The following MACROD2 variants were observed in gnomAD, a reference collection of about 807,000 sequenced individuals.
The protein encoded by MACROD2 is ADP-ribose glycohydrolase MACROD2.
In MACROD2, 36 loss-of-function variants were observed where a neutral mutation model predicts 70.4. The observed-to-expected ratio is 0.51, with a 90% CI of 0.39 to 0.68. MACROD2 has a LOEUF of 0.68. Among genes scored for constraint, MACROD2 ranks in the 30% least tolerant of loss-of-function variants. The pLI, the probability that MACROD2 is intolerant of heterozygous loss-of-function variation, is 0.00. For synonymous variants in MACROD2, 172 were observed against 178.8 expected, an observed-to-expected ratio of 0.96 and a Z score of 0.30; for missense variants, 496 against 538.4, an observed-to-expected ratio of 0.92 and a Z score of 0.78.
intron 5 of MACROD2, among the ~76,000 whole-genome samples, chr20:14,716,121 C>T (rs1467488323): frequency 6.6e-6 from 1 of 152,166 alleles, no homozygotes; most frequent in Non-Finnish European, 1.5e-5. Flanking sequence ...TTCAGTCTGC[C>T]TAGAGTTTTT....
rs540567964 is a variant in MACROD2 at position 14,391,485 on chromosome 20, A to C, written c.272-101994A>C. ...GGGCTAATCAGAAGCTGGAAGGTAA[A>C]AACAGAGAGGATCAGGAAAAATAAC... On this transcript the variant is annotated intron_variant, in intron 3 of 17. Transcript: ENST00000684519. Among the ~76,000 whole-genome samples the C allele has an allele frequency of 2.6e-5, 4 of 152,124 alleles. No homozygotes were observed. The East Asian group carries it at 7.8e-4, about 30-fold the overall frequency.
chr20:15,713,935 G>T (rs2050665416), intron 8 of MACROD2, among the ~76,000 whole-genome samples: 1 of 151,332 alleles, frequency 6.6e-6, no homozygotes, highest in Admixed American at 6.6e-5. Context: ...GGAAGACAAA[G>T]TTGGGATATG....
At chr20:15,735,517 G>C (rs2051006817) in intron 8 of MACROD2, among the ~76,000 whole-genome samples, 1 of 152,068 alleles carries the variant, frequency 6.6e-6, no homozygotes, top group Admixed American at 6.5e-5. Context: ...AAATCAGAAG[G>C]GTATTGTTAA....
intron 3 of MACROD2, among the ~76,000 whole-genome samples, chr20:14,237,785 C>T (rs552374795): frequency 9.0e-5 from 13 of 143,746 alleles, no homozygotes; most frequent in South Asian, 2.2e-4. Context: ...TGAGTGAGAA[C>T]GTGCGGTGTT....
intron 8 of MACROD2, among the ~76,000 whole-genome samples, chr20:15,609,203 A>T (rs1347011311): frequency 6.6e-6 from 1 of 152,202 alleles, no homozygotes; most frequent in East Asian, 1.9e-4. Context: ...CTCCCTTCAG[A>T]CTACCCTGAC....
chr20:15,314,741 A>G (rs1162678829), intron 6 of MACROD2, among the ~76,000 whole-genome samples: 1 of 152,184 alleles, frequency 6.6e-6, no homozygotes, highest in Non-Finnish European at 1.5e-5. Context: ...CTGGGGCAAA[A>G]GGTTGTAGTT....
At chr20:15,810,249 T>C (rs1436951849) in intron 8 of MACROD2, among the ~76,000 whole-genome samples, 1 of 151,878 alleles carries the variant, frequency 6.6e-6, no homozygotes, top group Non-Finnish European at 1.5e-5. Context: ...CACATTTTCT[T>C]AATCCAGTCT....
At chr20:14,876,007 T>C (rs764169866) in intron 5 of MACROD2, among the ~76,000 whole-genome samples, 3 of 152,172 alleles carry the variant, frequency 2.0e-5, no homozygotes, top group Non-Finnish European at 4.4e-5. Context: ...CTGGGTCAAA[T>C]TGTAGTTCTG....
intron 5 of MACROD2, among the ~76,000 whole-genome samples, chr20:15,203,468 A>G (rs944504067): frequency 5.9e-5 from 9 of 152,104 alleles, no homozygotes; most frequent in South Asian, 2.1e-4. Flanking sequence ...TGTACTTTAG[A>G]TTCACATCAG....
At chr20:14,281,438 G>A (rs2082305398) in intron 3 of MACROD2, among the ~76,000 whole-genome samples, 1 of 152,178 alleles carries the variant, frequency 6.6e-6, no homozygotes, top group Admixed American at 6.6e-5. Context: ...GGGATTAACT[G>A]TGTATGGGTA....
intron 6 of MACROD2, among the ~76,000 whole-genome samples, chr20:15,426,490 A>G (rs1259556021): frequency 2.0e-5 from 3 of 151,986 alleles, no homozygotes; most frequent in Non-Finnish European, 4.4e-5. Context: ...GACTACAGGC[A>G]TGTGCCACCA....
chr20:15,243,672 T>C (rs1227431823), intron 6 of MACROD2, among the ~76,000 whole-genome samples: 1 of 152,074 alleles, frequency 6.6e-6, no homozygotes, highest in African/African-American at 2.4e-5. Flanking sequence ...TCCCAGCACT[T>C]TGGGAGGCCG....
At chr20:14,803,948 A>T (rs1434770796) in intron 5 of MACROD2, among the ~76,000 whole-genome samples, 2 of 152,104 alleles carry the variant, frequency 1.3e-5, no homozygotes, top group Non-Finnish European at 2.9e-5. Flanking sequence ...GCAAAATGGA[A>T]CGTTTTTTGA....
rs1206476250 is a variant in MACROD2, at chr20:16,044,557, TTTTC to T, written c.1232-12_1232-9del. 1 of 1,609,248 alleles carries T rather than the reference TTTTC, an allele frequency of 6.2e-7. No individual in the cohort carries two copies. On this transcript the variant is annotated splice_polypyrimidine_tract_variant and intron_variant, in intron 16 of 17. Coordinates refer to ENST00000684519, the MANE Select transcript of MACROD2 (RefSeq NM_001351661.2). Reference sequence around the variant, plus strand: ...TTAATGAATATTTAACTTTTTTTTTTTTTCTGGTGACAGTTGAAATGAATAGTCA... The same window carrying T: ...TTAATGAATATTTAACTTTTTTTTTTTGGTGACAGTTGAAATGAATAGTCA...
At chr20:15,231,708 G>A (rs1271503154) in intron 6 of MACROD2, among the ~76,000 whole-genome samples, 1 of 152,048 alleles carries the variant, frequency 6.6e-6, no homozygotes, top group East Asian at 1.9e-4. Flanking sequence ...CATTAGGTAA[G>A]CAATGGAAGA....
Position 16,015,930 on chromosome 20 carries a change from T to C in MACROD2, c.1154-25271T>C, listed in dbSNP as rs1445744967. Among the ~76,000 whole-genome samples, 8 of 152,168 alleles carry C rather than the reference T, an allele frequency of 5.3e-5. No homozygotes were observed. In the East Asian group the frequency reaches 1.5e-3, roughly 29 times the overall value. On this transcript the variant is annotated intron_variant, in intron 15 of 17. Coordinates refer to ENST00000684519, the MANE Select transcript of MACROD2 (RefSeq NM_001351661.2). ...TATAAGAGTATTTTTAAATATATTATGACTTTTTTATCTTTGGTTTGGAGG... is the reference window on the plus strand; with the variant it reads ...TATAAGAGTATTTTTAAATATATTACGACTTTTTTATCTTTGGTTTGGAGG...
rs538171891 is a variant in MACROD2 at position 14,088,280 on chromosome 20, A to C, written c.271+2552A>C. Among the ~76,000 whole-genome samples the C allele has an allele frequency of 1.0e-4, 15 of 148,614 alleles. No homozygotes were observed. The South Asian group carries it at 3.2e-3, about 32-fold the overall frequency. Reference sequence around the variant, plus strand: ...GGGAGGCAGAGGTTGCAGTGAGTCGAGATCGTGCCACTGCACTCCAGCCTG... The same window carrying C: ...GGGAGGCAGAGGTTGCAGTGAGTCGCGATCGTGCCACTGCACTCCAGCCTG... On this transcript the variant is annotated intron_variant, in intron 3 of 17. Coordinates refer to ENST00000684519, the MANE Select transcript of MACROD2 (RefSeq NM_001351661.2).
intron 8 of MACROD2, among the ~76,000 whole-genome samples, chr20:15,815,988 T>G (rs73097262): frequency 0.12 from 17,555 of 152,084 alleles, 1,323 homozygotes; most frequent in Middle Eastern, 0.29. Context: ...AGAAAAGCTA[T>G]CTTTCCTTCC....
chr20:14,615,944 G>T (rs1725736447), intron 4 of MACROD2, among the ~76,000 whole-genome samples: 1 of 152,004 alleles, frequency 6.6e-6, no homozygotes, highest in Non-Finnish European at 1.5e-5. Context: ...TGGTGTGAGT[G>T]GTCAGTCACC....
Sources: allele counts gnomAD v4.1 joint callset (sites outside exome capture counted in the v4.1 genomes callset), GRCh38; gene constraint gnomAD v4.1.1; transcripts MANE v1.5; gene names NCBI Gene and HGNC (gene_info 2026-07-23, HGNC 2026-07-21).